The following CYP4X1 variants were observed in gnomAD, a reference collection of about 807,000 sequenced individuals.
CYP4X1 encodes cytochrome P450 family 4 subfamily X member 1, also known as cytochrome P450 4X1.
In CYP4X1, 44 loss-of-function variants were observed where a neutral mutation model predicts 57.9. That is an observed-to-expected ratio of 0.76 (90% CI 0.60 to 0.98). The LOEUF (loss-of-function observed/expected upper bound fraction) is 0.98. Among genes scored for constraint, CYP4X1 ranks in the 50% least tolerant of loss-of-function variants. The pLI is 0.00. For missense variants in CYP4X1, 532 were observed against 623.9 expected, an observed-to-expected ratio of 0.85 and a Z score of 1.57; for synonymous variants, 227 against 228.6, an observed-to-expected ratio of 0.99 and a Z score of 0.06.
chr1:47,041,731 T>A (rs140707425), intron 8 of CYP4X1, among the ~76,000 whole-genome samples: 2 of 152,112 alleles, frequency 1.3e-5, no homozygotes, highest in Non-Finnish European at 2.9e-5. Context: ...CTTTAAGTTG[T>A]CTCTTCACTA....
At chr1:46,998,096 G>C in the CYP4X1 span, among the ~76,000 whole-genome samples, 1 of 151,968 alleles carries the variant, frequency 6.6e-6, no homozygotes, top group Non-Finnish European at 1.5e-5. Flanking sequence ...ATACAGTTTT[G>C]ATTTAGTATT....
At chr1:46,976,253 A>T in the CYP4X1 span, among the ~76,000 whole-genome samples, 1 of 152,162 alleles carries the variant, frequency 6.6e-6, no homozygotes, top group Non-Finnish European at 1.5e-5. Flanking sequence ...TAAATACTGC[A>T]CTTTTCCAAA....
chr1:46,981,368 G>A, the CYP4X1 span, among the ~76,000 whole-genome samples: 8 of 152,038 alleles, frequency 5.3e-5, no homozygotes, highest in African/African-American at 1.7e-4. Context: ...GCAGCCAAAA[G>A]ACACATGAAA....
the CYP4X1 span, among the ~76,000 whole-genome samples, chr1:47,008,154 G>T: frequency 6.6e-6 from 1 of 152,104 alleles, no homozygotes; most frequent in Non-Finnish European, 1.5e-5. Context: ...AAGGAAAAAA[G>T]GTTAAGGGCA....
chr1:46,970,662 C>T, the CYP4X1 span, among the ~76,000 whole-genome samples: 42,969 of 152,042 alleles, frequency 0.28, 6,395 homozygotes, highest in East Asian at 0.5. Context: ...ATGTGCTGTG[C>T]AGGAATTCTG....
chr1:46,970,323 G>A, the CYP4X1 span, among the ~76,000 whole-genome samples: 3 of 152,156 alleles, frequency 2.0e-5, no homozygotes, highest in African/African-American at 7.2e-5. Context: ...ACAGGAGAAG[G>A]AGCAATGACT....
the CYP4X1 span, among the ~76,000 whole-genome samples, chr1:47,009,293 C>T: frequency 1.3e-5 from 2 of 151,776 alleles, no homozygotes; most frequent in Admixed American, 6.6e-5. Flanking sequence ...AACTGAACAA[C>T]CTGCTCCTGA....
chr1:46,989,185 A>G, the CYP4X1 span, among the ~76,000 whole-genome samples: 18 of 152,232 alleles, frequency 1.2e-4, no homozygotes, highest in South Asian at 4.1e-4. Context: ...TAAGCTGATA[A>G]GAAACTTCAG....
chr1:46,972,150 A>G, the CYP4X1 span, among the ~76,000 whole-genome samples: 1 of 152,190 alleles, frequency 6.6e-6, no homozygotes, highest in Non-Finnish European at 1.5e-5. Flanking sequence ...TAAATCTTCT[A>G]CACATGGCTA....
At chr1:47,042,762 T>C (rs1644260284) in intron 8 of CYP4X1, among the ~76,000 whole-genome samples, 1 of 152,192 alleles carries the variant, frequency 6.6e-6, no homozygotes, top group South Asian at 2.1e-4. Context: ...TCCAATTCCA[T>C]CCAGATTGCT....
chr1:47,020,955 T>C (rs1468161562), upstream of CYP4X1, among the ~76,000 whole-genome samples: 1 of 151,948 alleles, frequency 6.6e-6, no homozygotes, highest in Non-Finnish European at 1.5e-5. Context: ...TTGTCTCTTG[T>C]GTCTGAGATG....
At chr1:46,992,156 A>T in the CYP4X1 span, among the ~76,000 whole-genome samples, 6 of 152,326 alleles carry the variant, frequency 3.9e-5, no homozygotes, top group South Asian at 2.1e-4. Flanking sequence ...AAAATTTTTT[A>T]AAAAATTAAA....
chr1:46,981,680 C>T, the CYP4X1 span, among the ~76,000 whole-genome samples: 1 of 152,142 alleles, frequency 6.6e-6, no homozygotes, highest in African/African-American at 2.4e-5. Flanking sequence ...GACACATGCA[C>T]ATGTATGTTT....
At chr1:46,989,898 G>T in the CYP4X1 span, among the ~76,000 whole-genome samples, 5 of 152,074 alleles carry the variant, frequency 3.3e-5, no homozygotes, top group Non-Finnish European at 7.4e-5. Context: ...AAAAATTAAT[G>T]CAAGATGGAT....
chr1:47,027,796 G>A (rs1281614599), intron 1 of CYP4X1, among the ~76,000 whole-genome samples: 1 of 152,068 alleles, frequency 6.6e-6, no homozygotes, highest in Admixed American at 6.6e-5. Context: ...AAAGAGGCTT[G>A]CCCTGACCAT....
At chr1:47,009,435 A>C in the CYP4X1 span, among the ~76,000 whole-genome samples, 4 of 152,156 alleles carry the variant, frequency 2.6e-5, no homozygotes, top group East Asian at 7.7e-4. Flanking sequence ...ATTTATAGCA[A>C]TAAATGCTCA....
the CYP4X1 span, among the ~76,000 whole-genome samples, chr1:46,991,121 A>G: frequency 1.3e-4 from 20 of 152,002 alleles, no homozygotes; most frequent in African/African-American, 4.8e-4. Flanking sequence ...ATTCACAGAA[A>G]TGTTCCCCCT....
the CYP4X1 span, among the ~76,000 whole-genome samples, chr1:47,015,636 AG>A: frequency 6.6e-6 from 1 of 152,180 alleles, no homozygotes; most frequent in Non-Finnish European, 1.5e-5. Flanking sequence ...AAAAATATCT[AG>A]GACTACTCAG....
At chr1:46,998,579 GT>G in the CYP4X1 span, among the ~76,000 whole-genome samples, 1 of 152,026 alleles carries the variant, frequency 6.6e-6, no homozygotes, top group African/African-American at 2.4e-5. Flanking sequence ...AAGATCTTTA[GT>G]TTTATTAAGT....
Sources: allele counts gnomAD v4.1 joint callset (sites outside exome capture counted in the v4.1 genomes callset), GRCh38; gene constraint gnomAD v4.1.1; transcripts MANE v1.5; gene names NCBI Gene and HGNC (gene_info 2026-07-23, HGNC 2026-07-21).